PLA2G4A: variants seen among roughly 807,000 people sequenced by gnomAD.
The protein encoded by PLA2G4A is phospholipase A2 group IVA, also known as cytosolic phospholipase A2.
PLA2G4A carries 40 observed loss-of-function variants against 81.9 expected under a neutral mutation model. The ratio of observed to expected loss-of-function variants is 0.49; its 90% CI spans 0.38 to 0.64. The LOEUF is 0.64. Among genes scored for constraint, PLA2G4A ranks in the 30% least tolerant of loss-of-function variants. The pLI is 0.00. For missense variants in PLA2G4A, 715 were observed against 905.1 expected, an observed-to-expected ratio of 0.79 and a Z score of 2.69; for synonymous variants, 302 against 296.9, an observed-to-expected ratio of 1.02 and a Z score of -0.18.
chr1:186,921,139 C>T (rs1188854761), intron 7 of PLA2G4A, among the ~76,000 whole-genome samples: 6 of 152,020 alleles, frequency 3.9e-5, no homozygotes, highest in South Asian at 2.1e-4. Context: ...CTCACGGTAC[C>T]GTCTTAGCCT....
intron 13 of PLA2G4A, among the ~76,000 whole-genome samples, chr1:186,952,359 G>A (rs1456942549): frequency 6.6e-6 from 1 of 152,132 alleles, no homozygotes; most frequent in African/African-American, 2.4e-5. Context: ...ATGTGGTTAA[G>A]GTTTTCTTTT....
chr1:186,866,516 G>T (rs925315070), intron 2 of PLA2G4A, among the ~76,000 whole-genome samples: 3 of 151,922 alleles, frequency 2.0e-5, no homozygotes, highest in African/African-American at 7.3e-5. Context: ...AATGACAGTT[G>T]GTGTCTAGTA....
intron 1 of PLA2G4A, among the ~76,000 whole-genome samples, chr1:186,831,607 A>G (rs1651593500): frequency 6.6e-6 from 1 of 152,176 alleles, no homozygotes; most frequent in Non-Finnish European, 1.5e-5. Flanking sequence ...ATTTCCCAGA[A>G]TGATTAGTTT....
intron 8 of PLA2G4A, among the ~76,000 whole-genome samples, chr1:186,933,883 C>G (rs1378259053): frequency 6.6e-6 from 1 of 152,164 alleles, no homozygotes; most frequent in South Asian, 2.1e-4. Flanking sequence ...TACTAAACCA[C>G]ACTCTTTTCT....
At chr1:186,929,209 G>A (rs193173448) in intron 7 of PLA2G4A, among the ~76,000 whole-genome samples, 1 of 152,306 alleles carries the variant, frequency 6.6e-6, no homozygotes, top group African/African-American at 2.4e-5. Flanking sequence ...ACATACCTCA[G>A]TTCAAATCTT....
At position 186,893,127 on chromosome 1, in the gene PLA2G4A, A is replaced by G. The variant is rs748260586; in HGVS notation, c.232A>G (p.Ile78Val). 42 of 1,612,768 alleles carry G rather than the reference A, an allele frequency of 2.6e-5. No homozygotes were observed. Among genetic ancestry groups the G allele is most frequent in the Non-Finnish European group, 3.4e-5 (40 of 1,178,804 alleles). Residue 78 changes from isoleucine to valine, a missense_variant, in exon 4 of 18, where the codon ATT becomes GTT. Coordinates refer to ENST00000367466, the MANE Select transcript of PLA2G4A (RefSeq NM_024420.3). ...NPVWNETFEF[I>V]LDPNQENVLE... Reference sequence around the variant, plus strand: ...TGTGTGGAATGAGACCTTTGAATTTATTTTGGATCCTAATCAGGAAAATGT... The same window carrying G: ...TGTGTGGAATGAGACCTTTGAATTTGTTTTGGATCCTAATCAGGAAAATGT...
chr1:186,965,361 G>A, intron 14 of PLA2G4A, 48 bp from the exon 15 acceptor site: 4 of 1,308,772 alleles, frequency 3.1e-6, no homozygotes, highest in Non-Finnish European at 4.4e-6. Flanking sequence ...GATAAATACT[G>A]ATGAATGATC....
intron 15 of PLA2G4A, among the ~76,000 whole-genome samples, chr1:186,974,275 C>T (rs1657456936): frequency 6.6e-6 from 1 of 151,902 alleles, no homozygotes; most frequent in Non-Finnish European, 1.5e-5. Context: ...AGTGGTGTTT[C>T]AGTACTCAAA....
At chr1:186,870,949 C>T (rs543457825) in intron 3 of PLA2G4A, among the ~76,000 whole-genome samples, 2 of 152,306 alleles carry the variant, frequency 1.3e-5, no homozygotes, top group African/African-American at 4.8e-5. Flanking sequence ...TAGCCGAGAT[C>T]ACTTGGAGTC....
intron 9 of PLA2G4A, 141 bp downstream of exon 9, chr1:186,939,371 G>T (rs1014114680): frequency 4.6e-6 from 2 of 435,610 alleles, no homozygotes; most frequent in Non-Finnish European, 7.9e-6. Context: ...TGCGTACTGA[G>T]CCCATTCTCC....
At chr1:186,836,101 A>G (rs1253356105) in intron 1 of PLA2G4A, among the ~76,000 whole-genome samples, 1 of 151,984 alleles carries the variant, frequency 6.6e-6, no homozygotes, top group African/African-American at 2.4e-5. Flanking sequence ...TCTGTTTAAA[A>G]TATGTTTTAG....
At chr1:186,834,590 C>G (rs1651714081) in intron 1 of PLA2G4A, among the ~76,000 whole-genome samples, 1 of 151,986 alleles carries the variant, frequency 6.6e-6, no homozygotes, top group African/African-American at 2.4e-5. Context: ...TCGTTCTGCC[C>G]TTATAACTTG....
chr1:186,982,922 C>G (rs1316828290), intron 17 of PLA2G4A, among the ~76,000 whole-genome samples: 1 of 151,630 alleles, frequency 6.6e-6, no homozygotes, highest in African/African-American at 2.4e-5. Context: ...ACTAAAAATA[C>G]AAAAAAGCAA....
At position 186,939,249 on chromosome 1, in the gene PLA2G4A, T is replaced by G. The variant is rs1237512425; in HGVS notation, c.918+19T>G. Reference sequence around the variant, plus strand: ...TCATAATGTAAGTTACAGTTCAATCTACACTGCTTTTATAACAAGTAGACA... The same window carrying G: ...TCATAATGTAAGTTACAGTTCAATCGACACTGCTTTTATAACAAGTAGACA... On this transcript the variant is annotated intron_variant, in intron 9 of 17. Transcript: ENST00000367466. 3.7e-6 allele frequency: 4 copies of G among 1,084,150 alleles called. No homozygotes were observed. The Admixed American group carries it at 6.8e-5, about 18-fold the overall frequency. The allele number at this position is 1,084,150 out of a possible 1,614,324, so 67.2% of individuals were successfully genotyped here.
At chr1:186,965,763 A>G (rs915886001) in intron 15 of PLA2G4A, among the ~76,000 whole-genome samples, 170 bp downstream of exon 15, 2 of 152,160 alleles carry the variant, frequency 1.3e-5, no homozygotes, top group African/African-American at 4.8e-5. Flanking sequence ...CTGCTTAAAG[A>G]CACTTTTAAA....
Position 186,835,475 on chromosome 1 carries a change from T to G in PLA2G4A, c.-70+6440T>G, listed in dbSNP as rs74137519. Among the ~76,000 whole-genome samples the G allele has an allele frequency of 2.7e-3, 415 of 152,292 alleles. 6 individuals are homozygous for G. In the East Asian group the frequency reaches 0.045, roughly 16 times the overall value. ...ATTGAAAAGCAATCAGGGAAAAGTG[T>G]CTAAAGATGCACACAGTTATGGGAT... On this transcript the variant is annotated intron_variant, in intron 1 of 17. Transcript: ENST00000367466.
intron 4 of PLA2G4A, 30 bp downstream of exon 4, chr1:186,893,189 G>A: frequency 8.2e-6 from 13 of 1,584,810 alleles, no homozygotes; most frequent in Non-Finnish European, 1.1e-5. Context: ...GCTGTTAGAT[G>A]GTTGTGATTC....
intron 15 of PLA2G4A, among the ~76,000 whole-genome samples, chr1:186,971,909 A>G (rs903502804): frequency 2.6e-5 from 4 of 152,082 alleles, no homozygotes; most frequent in African/African-American, 9.6e-5. Flanking sequence ...ATAATTTCCT[A>G]TTTTTGAGAC....
chr1:186,834,498 C>G (rs972143250), intron 1 of PLA2G4A, among the ~76,000 whole-genome samples: 141 of 151,956 alleles, frequency 9.3e-4, no homozygotes, highest in African/African-American at 3.3e-3. Context: ...CACACTCTTT[C>G]TATTGGAGTT....
Sources: allele counts gnomAD v4.1 joint callset (sites outside exome capture counted in the v4.1 genomes callset), GRCh38; gene constraint gnomAD v4.1.1; transcripts MANE v1.5; gene names NCBI Gene and HGNC (gene_info 2026-07-23, HGNC 2026-07-21).